Variants in CWC27 observed in about 807,000 individuals in gnomAD.
CWC27 encodes CWC27 spliceosome associated cyclophilin, also known as spliceosome-associated protein CWC27 homolog.
Under a neutral mutation model 63.6 loss-of-function variants are expected in CWC27, and 47 were observed. That is an observed-to-expected ratio of 0.74 (90% CI 0.58 to 0.94). The LOEUF is 0.94. CWC27 is among the 40% of genes least tolerant of loss of function. The pLI is 0.00. For missense variants in CWC27, 495 were observed against 554.3 expected (o/e 0.89, Z 1.07); for synonymous variants, 175 against 179.8 (o/e 0.97, Z 0.22).
At chr5:64,887,972 T>C (rs1561447625) in intron 11 of CWC27, among the ~76,000 whole-genome samples, 1 of 152,158 alleles carries the variant, frequency 6.6e-6, no homozygotes, top group Non-Finnish European at 1.5e-5. Context: ...AAAATATTGC[T>C]CCTAATAGCA....
intron 11 of CWC27, among the ~76,000 whole-genome samples, chr5:64,887,587 C>T (rs1392646654): frequency 2.0e-5 from 3 of 152,038 alleles, no homozygotes; most frequent in Non-Finnish European, 4.4e-5. Flanking sequence ...AGGCTGGTCT[C>T]GAACTCCTGA....
intron 2 of CWC27, among the ~76,000 whole-genome samples, chr5:64,780,530 T>C (rs1743635501): frequency 6.7e-6 from 1 of 148,340 alleles, no homozygotes; most frequent in South Asian, 2.1e-4. Context: ...CACAGTGATA[T>C]ATATATTATA....
rs1449980614 is a variant in CWC27 at position 64,978,611 on chromosome 5, T to G, written c.1256+1373T>G. Among the ~76,000 whole-genome samples the G allele has an allele frequency of 2.0e-5, 3 of 151,382 alleles. No individual in the cohort carries two copies. The South Asian group carries it at 6.2e-4, about 31-fold the overall frequency. On this transcript the variant is annotated intron_variant, in intron 13 of 13. Coordinates refer to ENST00000381070, the MANE Select transcript of CWC27 (RefSeq NM_005869.4). ...TTTTGTTTTGGGTTTTTGGGTTTTTTTTTTTTTTTTGGCGGTGGGGGGGAT... is the reference window on the plus strand; with the variant it reads ...TTTTGTTTTGGGTTTTTGGGTTTTTGTTTTTTTTTTGGCGGTGGGGGGGAT...
intron 10 of CWC27, among the ~76,000 whole-genome samples, chr5:64,814,121 G>A (rs1744962481): frequency 6.6e-6 from 1 of 151,240 alleles, no homozygotes; most frequent in African/African-American, 2.4e-5. Context: ...TAGTGTTAGG[G>A]TATTTTATGT....
chr5:64,783,118 A>G (rs987269762), intron 3 of CWC27, among the ~76,000 whole-genome samples: 6 of 152,212 alleles, frequency 3.9e-5, no homozygotes, highest in Non-Finnish European at 8.8e-5. Context: ...AGAATTATTT[A>G]TTAAGGAAAA....
intron 11 of CWC27, among the ~76,000 whole-genome samples, chr5:64,970,179 A>G (rs1457498030): frequency 6.6e-6 from 1 of 152,082 alleles, no homozygotes; most frequent in African/African-American, 2.4e-5. Flanking sequence ...GAGGTATTCA[A>G]AGATGTAATT....
chr5:64,999,483 T>C (rs1284771701), intron 13 of CWC27, among the ~76,000 whole-genome samples: 1 of 152,036 alleles, frequency 6.6e-6, no homozygotes, highest in Non-Finnish European at 1.5e-5. Flanking sequence ...CCTCTCTTTA[T>C]CCTCTCCACA....
At position 64,880,853 on chromosome 5, in the gene CWC27, C is replaced by CTTTTTTTTTTTTTTTTT. The variant is rs571051416; in HGVS notation, c.939-4590_939-4589insTTTTTTTTTTTTTTTTT. The stretch of plus-strand genomic sequence containing the variant: ...AGAGTTAGTAACAGTTTATAAAAGC[C>CTTTTTTTTTTTTTTTTT]ATTTTTTTTTTTTTTTTTTTTACCA... On this transcript the variant is annotated intron_variant, in intron 10 of 13. Transcript: ENST00000381070. Among the ~76,000 whole-genome samples, 6 of 136,080 alleles carry CTTTTTTTTTTTTTTTTT rather than the reference C, an allele frequency of 4.4e-5. 1 individual carries two copies. Among genetic ancestry groups the CTTTTTTTTTTTTTTTTT allele is most frequent in the African/African-American group, 8.3e-5 (3 of 36,110 alleles). The allele number at this position is 136,080 out of a possible 152,430, so 89.3% of individuals were successfully genotyped here.
chr5:64,890,281 A>C (rs1747198457), intron 11 of CWC27, among the ~76,000 whole-genome samples: 1 of 152,216 alleles, frequency 6.6e-6, no homozygotes, highest in Admixed American at 6.5e-5. Flanking sequence ...GGGTTATTTC[A>C]CATTTCTTCA....
chr5:64,936,910 A>G (rs775762868), intron 11 of CWC27, among the ~76,000 whole-genome samples: 33 of 152,098 alleles, frequency 2.2e-4, no homozygotes, highest in Non-Finnish European at 4.1e-4. Flanking sequence ...TTATTCTCTG[A>G]TGGTAGTTTG....
intron 11 of CWC27, among the ~76,000 whole-genome samples, chr5:64,921,279 C>A (rs1362654405): frequency 2.0e-5 from 3 of 151,796 alleles, no homozygotes; most frequent in Non-Finnish European, 4.4e-5. Context: ...TTTTTTATTG[C>A]TCTGTGATCT....
At chr5:64,805,022 C>T (rs1200583211) in intron 10 of CWC27, 1 of 151,900 alleles carries the variant, frequency 6.6e-6, no homozygotes, top group African/African-American at 2.4e-5. Flanking sequence ...TTATAGTATA[C>T]ATTTTAAATA....
intron 2 of CWC27, among the ~76,000 whole-genome samples, chr5:64,778,231 A>AC (rs869143698): frequency 4.7e-5 from 1 of 21,472 alleles, no homozygotes; most frequent in African/African-American, 1.7e-4. Flanking sequence ...TTATGTAATG[A>AC]CCTCAGGATA....
rs573304964 is a variant in CWC27 at position 64,823,114 on chromosome 5, A to G, written c.938+18728A>G. On this transcript the variant is annotated intron_variant, in intron 10 of 13. Transcript: ENST00000381070. Reference sequence around the variant, plus strand: ...GAATCTCCTGCTTCCTCATCAGTAAAATGCAATCAATACCTGCCCTTCCTA... The same window carrying G: ...GAATCTCCTGCTTCCTCATCAGTAAGATGCAATCAATACCTGCCCTTCCTA... Among the ~76,000 whole-genome samples the G allele has an allele frequency of 3.9e-5, 6 of 152,322 alleles. No individual in the cohort carries two copies. The South Asian group carries it at 1.0e-3, about 26-fold the overall frequency.
chr5:64,781,787 T>C (rs1743699736), intron 2 of CWC27, 134 bp from the exon 3 acceptor site: 1 of 467,354 alleles, frequency 2.1e-6, no homozygotes, highest in African/African-American at 2.0e-5. Flanking sequence ...AGAAGGAGGA[T>C]ACAAAAGGTT....
intron 10 of CWC27, among the ~76,000 whole-genome samples, chr5:64,824,446 T>G (rs1453918513): frequency 6.6e-6 from 1 of 151,170 alleles, no homozygotes; most frequent in African/African-American, 2.4e-5. Context: ...TGGACTAACA[T>G]TACTTGATTT....
Position 64,786,450 on chromosome 5 carries a change from A to C in CWC27, c.496-74A>C, listed in dbSNP as rs1743888418. 6 of 830,372 alleles carry C rather than the reference A, an allele frequency of 7.2e-6. No individual in the cohort carries two copies. The Admixed American group carries it at 1.9e-4, about 26-fold the overall frequency. The allele number at this position is 830,372 out of a possible 1,614,324, so 51.4% of individuals were successfully genotyped here. A position where few individuals can be genotyped will look rare whatever the true frequency, so the allele number is the denominator to read the frequency against. ...AAAAATATAGACACTATACCACTGG[A>C]ATTACATACGGGGTTTGATTTTTTG... On this transcript the variant is annotated intron_variant, in intron 5 of 13. Coordinates refer to ENST00000381070, the MANE Select transcript of CWC27 (RefSeq NM_005869.4).
chr5:64,787,939 A>G (rs558453901), intron 6 of CWC27, among the ~76,000 whole-genome samples: 1 of 152,288 alleles, frequency 6.6e-6, no homozygotes, highest in African/African-American at 2.4e-5. Context: ...GAGAAGAGGT[A>G]TGTTAAAACA....
At chr5:64,877,154 A>G (rs1454277162) in intron 10 of CWC27, among the ~76,000 whole-genome samples, 2 of 152,030 alleles carry the variant, frequency 1.3e-5, no homozygotes, top group Non-Finnish European at 2.9e-5. Context: ...CAAGATGTGG[A>G]GTCGACCTTA....
Sources: allele counts gnomAD v4.1 joint callset (sites outside exome capture counted in the v4.1 genomes callset), GRCh38; gene constraint gnomAD v4.1.1; transcripts MANE v1.5; gene names NCBI Gene and HGNC (gene_info 2026-07-23, HGNC 2026-07-21).